The following SGMS1 variants were observed in gnomAD, a reference collection of about 807,000 sequenced individuals.
SGMS1 encodes the protein sphingomyelin synthase 1.
In SGMS1, 13 loss-of-function variants were observed where a neutral mutation model predicts 46.2. The ratio of observed to expected loss-of-function variants is 0.28; its 90% confidence interval spans 0.18 to 0.45. SGMS1 has a LOEUF of 0.45. Ranked by LOEUF, SGMS1 falls within the 20% of genes least tolerant of loss-of-function variation. The pLI, the probability that SGMS1 is intolerant of heterozygous loss-of-function variation, is 1.00. For synonymous variants in SGMS1, 203 were observed against 187.8 expected (o/e 1.08, Z -0.66); for missense variants, 324 against 519.9 (o/e 0.62, Z 3.66).
intron 6 of SGMS1, among the ~76,000 whole-genome samples, chr10:50,373,889 T>C (rs1016336675): frequency 1.3e-5 from 2 of 152,198 alleles, no homozygotes; most frequent in African/African-American, 4.8e-5. Context: ...ACTCCTATGG[T>C]AGAGGAGTCA....
intron 9 of SGMS1, among the ~76,000 whole-genome samples, 192 bp from the exon 10 acceptor site, chr10:50,308,340 A>T (rs1480880214): frequency 6.6e-6 from 1 of 152,206 alleles, no homozygotes; most frequent in Non-Finnish European, 1.5e-5. Flanking sequence ...TGATGTGATT[A>T]TACTAGTGAT....
chr10:50,381,211 A>G (rs1408375644), intron 6 of SGMS1, among the ~76,000 whole-genome samples: 1 of 152,072 alleles, frequency 6.6e-6, no homozygotes, highest in Non-Finnish European at 1.5e-5. Context: ...GGAATTTAAA[A>G]AGGGTTTGCC....
At chr10:50,602,011 T>C (rs192825950) in intron 1 of SGMS1, among the ~76,000 whole-genome samples, 8 of 152,344 alleles carry the variant, frequency 5.3e-5, no homozygotes, top group African/African-American at 1.9e-4. Context: ...GTCATATTAG[T>C]GCTCAAAAAG....
At chr10:50,560,412 T>C (rs1838226181) in intron 2 of SGMS1, among the ~76,000 whole-genome samples, 2 of 139,062 alleles carry the variant, frequency 1.4e-5, no homozygotes, top group Admixed American at 7.5e-5. Context: ...ATAATACATA[T>C]ATTACATAAT....
intron 2 of SGMS1, among the ~76,000 whole-genome samples, chr10:50,586,322 C>A (rs1838484105): frequency 1.3e-5 from 2 of 152,144 alleles, no homozygotes; most frequent in Admixed American, 1.3e-4. Context: ...TTATGAGCAA[C>A]CCCATTCATT....
chr10:50,513,118 G>A (rs1379824575), intron 3 of SGMS1, among the ~76,000 whole-genome samples: 1 of 152,202 alleles, frequency 6.6e-6, no homozygotes, highest in Non-Finnish European at 1.5e-5. Flanking sequence ...AAGGTGTTAA[G>A]TACCAGTAGG....
At chr10:50,395,041 C>T (rs758950708) in intron 6 of SGMS1, among the ~76,000 whole-genome samples, 2 of 152,108 alleles carry the variant, frequency 1.3e-5, no homozygotes, top group Non-Finnish European at 2.9e-5. Flanking sequence ...CAATACTTTG[C>T]GTGAGCTCAC....
At chr10:50,614,529 T>C (rs7090996) in intron 1 of SGMS1, among the ~76,000 whole-genome samples, 114,539 of 152,194 alleles carry the variant, frequency 0.75, 43,747 homozygotes, top group African/African-American at 0.89. Flanking sequence ...AGCATGACAG[T>C]ATCCAGGAAC....
intron 6 of SGMS1, among the ~76,000 whole-genome samples, chr10:50,398,398 C>T (rs1263950406): frequency 6.6e-6 from 1 of 151,906 alleles, no homozygotes; most frequent in African/African-American, 2.4e-5. Flanking sequence ...AGCTTTTAAT[C>T]CAAACTGGTT....
At chr10:50,444,557 A>G (rs1836983797) in intron 5 of SGMS1, among the ~76,000 whole-genome samples, 1 of 152,136 alleles carries the variant, frequency 6.6e-6, no homozygotes, top group Non-Finnish European at 1.5e-5. Context: ...TTCATAGGGA[A>G]AGAAAAATGA....
intron 3 of SGMS1, among the ~76,000 whole-genome samples, chr10:50,510,246 A>G (rs1837742076): frequency 6.6e-6 from 1 of 152,186 alleles, no homozygotes; most frequent in Non-Finnish European, 1.5e-5. Context: ...GATGAACAGT[A>G]TTCCATTAAT....
intron 6 of SGMS1, among the ~76,000 whole-genome samples, chr10:50,395,376 G>C (rs1291310014): frequency 6.6e-6 from 1 of 152,112 alleles, no homozygotes; most frequent in Non-Finnish European, 1.5e-5. Flanking sequence ...CACTGGATTA[G>C]TTACCCCTCA....
At chr10:50,415,541 TG>T (rs1431618547) in intron 6 of SGMS1, among the ~76,000 whole-genome samples, 11 of 152,056 alleles carry the variant, frequency 7.2e-5, no homozygotes, top group Admixed American at 7.2e-4. Context: ...CTTAAGGAAG[TG>T]GGTAGGTGTT....
intron 6 of SGMS1, among the ~76,000 whole-genome samples, chr10:50,390,440 A>C (rs1848749983): frequency 6.6e-6 from 1 of 152,176 alleles, no homozygotes. Context: ...CTGAAGCATT[A>C]CTCTATTCCC....
intron 2 of SGMS1, among the ~76,000 whole-genome samples, chr10:50,522,751 T>C (rs1467579658): frequency 2.0e-5 from 3 of 152,190 alleles, no homozygotes; most frequent in Non-Finnish European, 4.4e-5. Flanking sequence ...GGCTATGTGA[T>C]GTCTCGGTAG....
intron 3 of SGMS1, among the ~76,000 whole-genome samples, chr10:50,470,489 CA>C (rs1025258726): frequency 1.3e-5 from 2 of 151,618 alleles, no homozygotes; most frequent in Non-Finnish European, 2.9e-5. Context: ...CTGCTGCTGT[CA>C]AAAAGCCCCA....
At chr10:50,318,754 T>C (rs1013327580) in intron 8 of SGMS1, among the ~76,000 whole-genome samples, 1 of 152,216 alleles carries the variant, frequency 6.6e-6, no homozygotes, top group Non-Finnish European at 1.5e-5. Context: ...ATACAACTTT[T>C]AAAATAGACT....
At chr10:50,358,523 T>C (rs2133406172) in intron 6 of SGMS1, among the ~76,000 whole-genome samples, 1 of 152,210 alleles carries the variant, frequency 6.6e-6, no homozygotes, top group Middle Eastern at 3.4e-3. Flanking sequence ...AACCTGTGTC[T>C]ACTAAAAATA....
chr10:50,332,611 C>CTTTTTTTTT (rs150975310), intron 7 of SGMS1, among the ~76,000 whole-genome samples: 1 of 72,710 alleles, frequency 1.4e-5, no homozygotes, highest in Non-Finnish European at 2.5e-5. Flanking sequence ...TTTTTTAAGT[C>CTTTTTTTTT]TTTTTTTTTT....
Sources: gnomAD v4.1 joint callset for allele counts (sites outside exome capture counted in the v4.1 genomes callset) on GRCh38, gnomAD v4.1.1 for gene constraint, MANE v1.5 for transcripts, NCBI Gene and HGNC (gene_info 2026-07-23, HGNC 2026-07-21) for gene names.